CNBD1: variants seen among roughly 807,000 people sequenced by gnomAD.
CNBD1 encodes the protein cyclic nucleotide-binding domain-containing protein 1.
Under a neutral mutation model 54.4 loss-of-function variants are expected in CNBD1, and 71 were observed. That is an observed-to-expected ratio of 1.30 (90% confidence interval 1.08 to 1.59). CNBD1 has a LOEUF of 1.59. Among genes scored for constraint, CNBD1 ranks in the 40% most tolerant of loss-of-function variants. The pLI, the probability that CNBD1 is intolerant of heterozygous loss-of-function variation, is 0.00. For synonymous variants in CNBD1, 182 were observed against 170.7 expected (o/e 1.07, Z -0.51); for missense variants, 659 against 518.0 (o/e 1.27, Z -2.64).
At chr8:87,316,443 T>C (rs931375353) in intron 8 of CNBD1, among the ~76,000 whole-genome samples, 5 of 152,018 alleles carry the variant, frequency 3.3e-5, no homozygotes, top group African/African-American at 9.7e-5. Context: ...AAGAATCTTA[T>C]GTAATTTAGG....
At chr8:87,129,106 T>C (rs1812064682) in intron 4 of CNBD1, among the ~76,000 whole-genome samples, 3 of 91,132 alleles carry the variant, frequency 3.3e-5, no homozygotes, top group Admixed American at 2.2e-4. Flanking sequence ...TTTGCTATCT[T>C]CAGAAGGATA....
intron 3 of CNBD1, among the ~76,000 whole-genome samples, chr8:86,908,683 T>G (rs1462455936): frequency 6.6e-6 from 1 of 152,002 alleles, no homozygotes. Flanking sequence ...TCACCTTATA[T>G]AAAGTACCAG....
At chr8:86,909,063 C>A (rs1187039037) in intron 3 of CNBD1, among the ~76,000 whole-genome samples, 1 of 151,986 alleles carries the variant, frequency 6.6e-6, no homozygotes, top group Non-Finnish European at 1.5e-5. Flanking sequence ...GCCAAGAATT[C>A]TTTTTGATGA....
At chr8:87,299,141 C>T (rs566572440) in intron 8 of CNBD1, among the ~76,000 whole-genome samples, 7 of 152,252 alleles carry the variant, frequency 4.6e-5, no homozygotes, top group East Asian at 1.9e-4. Flanking sequence ...AAGAGTATCA[C>T]GACACCAGTC....
At chr8:86,974,357 A>C (rs1020861326) in intron 4 of CNBD1, among the ~76,000 whole-genome samples, 2 of 152,100 alleles carry the variant, frequency 1.3e-5, no homozygotes, top group Non-Finnish European at 2.9e-5. Flanking sequence ...AATGTAGATA[A>C]ACATTCCCAT....
At chr8:87,015,705 C>A (rs897372053) in intron 4 of CNBD1, among the ~76,000 whole-genome samples, 3 of 151,936 alleles carry the variant, frequency 2.0e-5, no homozygotes, top group African/African-American at 4.8e-5. Flanking sequence ...TTTAGACATG[C>A]CTTTTGGCTC....
At chr8:87,347,066 G>A (rs975731208) in intron 8 of CNBD1, among the ~76,000 whole-genome samples, 5 of 152,118 alleles carry the variant, frequency 3.3e-5, no homozygotes, top group Admixed American at 2.0e-4. Context: ...GGCTTATGTA[G>A]GAGGATTTCC....
intron 3 of CNBD1, among the ~76,000 whole-genome samples, chr8:86,938,481 CT>C (rs1268888017): frequency 6.6e-6 from 1 of 152,190 alleles, no homozygotes; most frequent in Non-Finnish European, 1.5e-5. Context: ...GTTTAATAGA[CT>C]CACAGTTCCA....
intron 4 of CNBD1, among the ~76,000 whole-genome samples, chr8:87,032,029 A>T (rs537827630): frequency 1.3e-5 from 2 of 152,350 alleles, no homozygotes; most frequent in South Asian, 4.1e-4. Context: ...GGCATGAGCC[A>T]CAGTGCCCAG....
intron 4 of CNBD1, among the ~76,000 whole-genome samples, chr8:87,063,241 G>A (rs1445229472): frequency 6.6e-6 from 1 of 152,164 alleles, no homozygotes; most frequent in South Asian, 2.1e-4. Flanking sequence ...GTATCTTCAA[G>A]CACATTTACA....
downstream of CNBD1, among the ~76,000 whole-genome samples, chr8:87,385,743 C>A (rs1811169842): frequency 6.6e-6 from 1 of 152,106 alleles, no homozygotes. Context: ...CTTAAATGTC[C>A]CTGTCTGACA....
chr8:87,428,324 G>A (rs1808085773), intron 2 of CNBD1, among the ~76,000 whole-genome samples: 1 of 152,094 alleles, frequency 6.6e-6, no homozygotes, highest in African/African-American at 2.4e-5. Flanking sequence ...TGAATATAAA[G>A]TTGGACATTG....
chr8:87,392,447 T>C (rs1811326845), intron 2 of CNBD1, among the ~76,000 whole-genome samples: 1 of 152,026 alleles, frequency 6.6e-6, no homozygotes, highest in Admixed American at 6.6e-5. Flanking sequence ...TAAAATGTCA[T>C]AAGCATATTC....
At chr8:87,277,048 G>A (rs1808496145) in intron 6 of CNBD1, among the ~76,000 whole-genome samples, 1 of 150,806 alleles carries the variant, frequency 6.6e-6, no homozygotes, top group Non-Finnish European at 1.5e-5. Context: ...ATTTATGAAA[G>A]TGCTGAATCA....
intron 10 of CNBD1, among the ~76,000 whole-genome samples, chr8:87,361,343 A>C: frequency 6.6e-6 from 1 of 151,848 alleles, no homozygotes. Flanking sequence ...TAATATCTTT[A>C]ATGATAAATG....
chr8:87,360,764 A>G (rs910834726), intron 10 of CNBD1, among the ~76,000 whole-genome samples: 6 of 152,044 alleles, frequency 3.9e-5, no homozygotes, highest in East Asian at 1.9e-4. Flanking sequence ...TTAATTTGCC[A>G]TACCGAAAAG....
chr8:86,998,374 G>C (rs138910351), intron 4 of CNBD1, among the ~76,000 whole-genome samples: 1 of 152,052 alleles, frequency 6.6e-6, no homozygotes, highest in Non-Finnish European at 1.5e-5. Context: ...TCAGCACTAT[G>C]CTAGGGCCAT....
At chr8:86,867,774 T>C (rs1233083953) in intron 1 of CNBD1, among the ~76,000 whole-genome samples, 1 of 152,160 alleles carries the variant, frequency 6.6e-6, no homozygotes, top group East Asian at 1.9e-4. Context: ...GGAAACTCGG[T>C]AGCTGGGAGT....
chr8:87,057,701 T>G (rs57937825), intron 4 of CNBD1, among the ~76,000 whole-genome samples: 8,448 of 152,112 alleles, frequency 0.056, 813 homozygotes, highest in African/African-American at 0.19. Flanking sequence ...ATACAAAAAT[T>G]AGCTGGGCAT....
Sources: allele counts gnomAD v4.1 joint callset (sites outside exome capture counted in the v4.1 genomes callset), GRCh38; gene constraint gnomAD v4.1.1; transcripts MANE v1.5; gene names NCBI Gene and HGNC (gene_info 2026-07-23, HGNC 2026-07-21).